IQCN: variants seen among roughly 807,000 people sequenced by gnomAD.
IQCN encodes the protein IQ motif containing N, also known as IQ domain-containing protein N.
Under a neutral mutation model 64.4 loss-of-function variants are expected in IQCN, and 46 were observed. The ratio of observed to expected loss-of-function variants is 0.71; its 90% CI spans 0.56 to 0.91. IQCN has a LOEUF of 0.91. Among genes scored for constraint, IQCN ranks in the 40% least tolerant of loss-of-function variants. The pLI is 0.00. For synonymous variants in IQCN, 733 were observed against 775.6 expected, an observed-to-expected ratio of 0.95 and a Z score of 0.91; for missense variants, 1,753 against 1,857.4, an observed-to-expected ratio of 0.94 and a Z score of 1.03.
In IQCN at chr19:18,257,704, G is replaced by A; in HGVS notation, c.3580C>T (p.Leu1194=). Residue 1194 remains leucine (L), a synonymous_variant, in exon 4 of 4, where the codon CTG becomes TTG. Transcript: ENST00000392413. ...QMLHPVTWVE[L]GSRAGVMSDR... is the part of the protein sequence containing the mutation. ...GACATGACCCCGGCCCGGCTGCCCA[G>A]CTCCACCCACGTGACGGGGTGGAGC... 6.2e-7 allele frequency: 1 copy of A among 1,605,346 alleles called. No individual in the cohort carries two copies. The highest frequency in any genetic ancestry group is 8.5e-7 in the Non-Finnish European group (1 of 1,175,082).
chr19:18,262,638 T>C (rs1183370453), intron 3 of IQCN: 1 of 152,304 alleles, frequency 6.6e-6, no homozygotes, highest in African/African-American at 2.4e-5. Context: ...TGTCACTCTA[T>C]TAGGCACAGA....
In IQCN at chr19:18,258,157, G is replaced by A. The variant is rs756878190; in HGVS notation, c.3178-51C>T. On this transcript the variant is annotated intron_variant, in intron 3 of 3. Transcript: ENST00000392413. ...GCCTTGTGACTAACGGCAGGATTCT[G>A]GGGGCTATAGGAGTCCTGCCGTCTC... The A allele has an allele frequency of 6.3e-6, 10 of 1,580,840 alleles. No homozygotes were observed. In the South Asian group the frequency reaches 1.1e-4, roughly 17 times the overall value.
intron 1 of IQCN, among the ~76,000 whole-genome samples, chr19:18,272,109 G>A (rs1351481259): frequency 1.3e-4 from 19 of 149,408 alleles, no homozygotes; most frequent in African/African-American, 3.7e-4. Flanking sequence ...TTACAGGCGT[G>A]AGCCACCGCG....
chr19:18,258,309 C>T (rs185014703), intron 3 of IQCN: 5 of 716,438 alleles, frequency 7.0e-6, no homozygotes, highest in Admixed American at 2.0e-5. Context: ...CTCCCCAGTG[C>T]GGATGACGGG....
chr19:18,273,399 G>A (rs1435082997), intron 1 of IQCN, among the ~76,000 whole-genome samples: 2 of 151,412 alleles, frequency 1.3e-5, no homozygotes, highest in East Asian at 1.9e-4. Flanking sequence ...GTGCAATGGC[G>A]CCATCTTGGC....
intron 3 of IQCN, among the ~76,000 whole-genome samples, chr19:18,263,906 G>A (rs1427199338): frequency 6.6e-6 from 1 of 152,184 alleles, no homozygotes; most frequent in Non-Finnish European, 1.5e-5. Flanking sequence ...GGCAGCTCGG[G>A]GCTGTGCCAT....
Position 18,265,186 on chromosome 19 carries a change from C to T in IQCN, c.2354G>A (p.Cys785Tyr), listed in dbSNP as rs373878133. Residue 785 changes from cysteine to tyrosine, a missense_variant, in exon 3 of 4, where the codon TGC becomes TAC. Coordinates refer to ENST00000392413, the MANE Select transcript of IQCN (RefSeq NM_001145304.2). This position sits in a 1 kb window ranked among gnomAD's most constrained non-coding sequence, Gnocchi z 4.7. Reference protein sequence around the residue: ...LTGSKVSNHACQRLGGLSAPP... With the variant: ...LTGSKVSNHAYQRLGGLSAPP... ...GGCGCTGAGGCCACCGAGGCGCTGGCAGGCGTGGTTGGACACCTTGGACCC... is the reference window on the plus strand; with the variant it reads ...GGCGCTGAGGCCACCGAGGCGCTGGTAGGCGTGGTTGGACACCTTGGACCC... The T allele has an allele frequency of 1.7e-5, 27 of 1,610,166 alleles. No homozygotes were observed. The highest frequency in any genetic ancestry group is 1.6e-5 in the Non-Finnish European group (19 of 1,179,938).
intron 3 of IQCN, 40 bp from the exon 4 acceptor site, chr19:18,258,146 G>C (rs202012875): frequency 1.3e-6 from 2 of 1,596,800 alleles, no homozygotes; most frequent in Non-Finnish European, 1.7e-6. Flanking sequence ...TGTGACTAAC[G>C]GCAGGATTCT....
In IQCN at chr19:18,266,553, T is replaced by C. The variant is rs1482385532; in HGVS notation, c.987A>G (p.Ile329Met). The C allele has an allele frequency of 1.2e-6, 2 of 1,613,032 alleles. No individual in the cohort carries two copies. Among genetic ancestry groups the C allele is most frequent in the Admixed American group, 3.3e-5 (2 of 59,904 alleles). ...TCTTGGTGATCATGGGCCCTGGACA[T>C]ATCTGGAAGGGGGCTTTGGGGGTCT... ...KAETPKAPFQICPGPMITKTL... is the reference protein window; with the variant it reads ...KAETPKAPFQMCPGPMITKTL... The change falls in exon 3 of 4, where the codon ATA becomes ATG. Residue 329 changes from isoleucine (I) to methionine (M), a missense_variant. Transcript: ENST00000392413. The surrounding 1 kb of genome is among the most constrained non-coding windows in gnomAD (Gnocchi z 4.3).
rs201062666 is a variant in IQCN at position 18,267,041 on chromosome 19, C to T, written c.499G>A (p.Ala167Thr). ...TGCTGGAAGCGCACCTGCTGTGGGGCGTGATAAGGTATGTCCCCCTCCTCC... is the reference window on the plus strand; with the variant it reads ...TGCTGGAAGCGCACCTGCTGTGGGGTGTGATAAGGTATGTCCCCCTCCTCC... The part of the protein sequence containing the change: ...RAEEGDIPYH[A>T]PQQVRFQHPE... Residue 167 changes from alanine (A) to threonine (T), a missense_variant, in exon 3 of 4, where the codon GCC becomes ACC. Ala to Thr is a moderately conservative substitution (Grantham distance 58). Coordinates refer to ENST00000392413, the MANE Select transcript of IQCN (RefSeq NM_001145304.2). 3.0e-5 allele frequency: 48 copies of T among 1,614,226 alleles called. No homozygotes were observed. The Admixed American group carries it at 6.3e-4, about 21-fold the overall frequency.
In IQCN at chr19:18,269,086, C is replaced by T. The variant is rs576163911; in HGVS notation, c.13+380G>A. Among the ~76,000 whole-genome samples, 17 of 151,658 alleles carry T rather than the reference C, an allele frequency of 1.1e-4. No homozygotes were observed. The East Asian group carries it at 1.4e-3, about 12-fold the overall frequency. ...AGGAGGTTGCAGTGAGCCAAGATCA[C>T]GCCATCACACTCCAGCCTGGGCAAC... On this transcript the variant is annotated intron_variant, in intron 2 of 3. Coordinates refer to ENST00000392413, the MANE Select transcript of IQCN (RefSeq NM_001145304.2).
At chr19:18,261,979 G>A (rs951562395) in intron 3 of IQCN, 2 of 151,922 alleles carry the variant, frequency 1.3e-5, no homozygotes, top group African/African-American at 4.9e-5. Flanking sequence ...ACCTCAGTGA[G>A]CTGAGATGGG....
rs1235220698 is a variant in IQCN at position 18,264,142 on chromosome 19, A to G, written c.3177+221T>C. 6.6e-6 allele frequency among the ~76,000 whole-genome samples: 1 copy of G among 151,740 alleles called. No homozygotes were observed. The highest frequency in any genetic ancestry group is 1.9e-4 in the East Asian group (1 of 5,160). ...AGGTTTGAGGAGAAGTCCCTGCTGG[A>G]CTCCATCATCTCCCGGGACAGCATG... On this transcript the variant is annotated intron_variant, in intron 3 of 3. Transcript: ENST00000392413. This position sits in a 1 kb window ranked among gnomAD's most constrained non-coding sequence, Gnocchi z 4.3.
intron 3 of IQCN, among the ~76,000 whole-genome samples, chr19:18,263,703 G>C (rs981066167): frequency 3.3e-5 from 5 of 152,242 alleles, no homozygotes; most frequent in African/African-American, 1.2e-4. Flanking sequence ...CTGGCCTCTG[G>C]CCACTAAGGG....
intron 1 of IQCN, among the ~76,000 whole-genome samples, chr19:18,274,103 A>T (rs531890441): frequency 1.3e-5 from 2 of 152,196 alleles, no homozygotes; most frequent in Admixed American, 6.5e-5. Flanking sequence ...CTATTTATTT[A>T]AAAAAATAAT....
rs1213706130 is a variant in IQCN at position 18,265,247 on chromosome 19, G to C, written c.2293C>G (p.Leu765Val). Residue 765 changes from leucine to valine, a missense_variant, in exon 3 of 4, where the codon CTC becomes GTC. Transcript: ENST00000392413. This position sits in a 1 kb window ranked among gnomAD's most constrained non-coding sequence, Gnocchi z 4.7. ...ACCTGGGAGTGGGTGTTGCTGCTGA[G>C]ATCAGCAGCCTGGTGCGCTGGGATG... ...CLIPAHQAAD[L>V]SSNTHSQVLL... 7 of 1,613,414 alleles carry C rather than the reference G, an allele frequency of 4.3e-6. No individual in the cohort carries two copies. The South Asian group carries it at 6.6e-5, about 15-fold the overall frequency.
At position 18,264,983 on chromosome 19, in the gene IQCN, C is replaced by T. The variant is rs150764416; in HGVS notation, c.2557G>A (p.Gly853Arg). Residue 853 changes from glycine to arginine, a missense_variant, in exon 3 of 4, where the codon GGA becomes AGA. Transcript: ENST00000392413. The surrounding 1 kb of genome is among the most constrained non-coding windows in gnomAD (Gnocchi z 4.3). ...TCNVESWGDN[G>R]ATRAQPSMPG... ...ATTGATGGCTGGGCACGTGTGGCTC[C>T]GTTGTCTCCCCAGGACTCAACGTTG... 64 of 1,607,040 alleles carry T rather than the reference C, an allele frequency of 4.0e-5. No homozygotes were observed. Among genetic ancestry groups the T allele is most frequent in the African/African-American group, 6.7e-5 (5 of 74,918 alleles).
chr19:18,265,648 G>A lies in IQCN; in HGVS notation c.1892C>T (p.Ala631Val). Residue 631 changes from alanine to valine, a missense_variant, in exon 3 of 4, where the codon GCT becomes GTT. Ala to Val is a moderately conservative substitution (Grantham distance 64, BLOSUM62 0). Transcript: ENST00000392413. This position sits in a 1 kb window ranked among gnomAD's most constrained non-coding sequence, Gnocchi z 4.7. ...CTCAGCAACTTTTGTCCAGGATGGA[G>A]CCCCAGCCATTTCCACTGCCACACT... ...KTSVAVEMAG[A>V]PSWTKVAEEG... 1 of 1,614,080 alleles carries A rather than the reference G, an allele frequency of 6.2e-7. No homozygotes were observed. The highest frequency in any genetic ancestry group is 8.5e-7 in the Non-Finnish European group (1 of 1,180,036).
chr19:18,268,739 G>A (rs2384989), intron 2 of IQCN, among the ~76,000 whole-genome samples: 53,612 of 151,458 alleles, frequency 0.35, 10,217 homozygotes, highest in African/African-American at 0.49. Context: ...CGAGGTGAGC[G>A]GATCACAAGG....
Sources: allele counts gnomAD v4.1 joint callset (sites outside exome capture counted in the v4.1 genomes callset), GRCh38; gene constraint gnomAD v4.1.1; non-coding constraint Gnocchi (gnomAD v3.1); transcripts MANE v1.5; gene names NCBI Gene and HGNC (gene_info 2026-07-23, HGNC 2026-07-21).